The following PLD1 variants were observed in gnomAD, a reference collection of about 807,000 sequenced individuals.
PLD1 encodes the protein choline phosphatase 1.
A neutral mutation model predicts 137.1 loss-of-function variants in PLD1; 112 were observed. The observed-to-expected ratio is 0.82, with a 90% CI of 0.70 to 0.96. PLD1 has a LOEUF of 0.96. Among genes scored for constraint, PLD1 ranks in the 40% least tolerant of loss-of-function variants. The pLI, the probability that PLD1 is intolerant of heterozygous loss-of-function variation, is 0.00. For missense variants in PLD1, 1,321 were observed against 1,342.0 expected, an observed-to-expected ratio of 0.98 and a Z score of 0.24; for synonymous variants, 431 against 454.7, an observed-to-expected ratio of 0.95 and a Z score of 0.66.
chr3:171,684,912 G>A (rs574555102), intron 16 of PLD1, among the ~76,000 whole-genome samples: 1 of 152,228 alleles, frequency 6.6e-6, no homozygotes, highest in East Asian at 1.9e-4. Context: ...AATATATATC[G>A]ATGCTGTTAT....
chr3:171,732,698 T>C (rs1333496334), intron 6 of PLD1, among the ~76,000 whole-genome samples: 3 of 152,196 alleles, frequency 2.0e-5, no homozygotes, highest in African/African-American at 7.2e-5. Flanking sequence ...CCCATAACCA[T>C]ACAATTCATA....
chr3:171,698,078 G>T (rs1041967769), intron 12 of PLD1, among the ~76,000 whole-genome samples: 5 of 152,188 alleles, frequency 3.3e-5, no homozygotes, highest in African/African-American at 1.2e-4. Flanking sequence ...GAGGGAAAAT[G>T]GAAAAGATGC....
intron 1 of PLD1, among the ~76,000 whole-genome samples, chr3:171,782,961 C>G (rs763574241): frequency 1.3e-5 from 2 of 152,028 alleles, no homozygotes; most frequent in Non-Finnish European, 2.9e-5. Flanking sequence ...GGATGTCAAC[C>G]AGGAGGATGC....
At chr3:171,624,909 C>T (rs1330706750) in intron 23 of PLD1, among the ~76,000 whole-genome samples, 2 of 151,832 alleles carry the variant, frequency 1.3e-5, no homozygotes, top group Admixed American at 1.3e-4. Context: ...AAATTGGTTA[C>T]CAATAGGGGA....
chr3:171,622,091 C>G (rs1262476752), intron 23 of PLD1, among the ~76,000 whole-genome samples: 1 of 152,156 alleles, frequency 6.6e-6, no homozygotes, highest in Non-Finnish European at 1.5e-5. Context: ...ATCTACTCTC[C>G]TACAGCTGGA....
At chr3:171,808,413 G>C (rs1723960767) in intron 1 of PLD1, among the ~76,000 whole-genome samples, 1 of 152,182 alleles carries the variant, frequency 6.6e-6, no homozygotes, top group Non-Finnish European at 1.5e-5. Context: ...GCAGGCGCCT[G>C]TTTTCCCAGC....
intron 1 of PLD1, among the ~76,000 whole-genome samples, chr3:171,765,841 A>G (rs971142398): frequency 7.2e-5 from 11 of 152,374 alleles, no homozygotes; most frequent in African/African-American, 1.9e-4. Context: ...ACATCTGGAC[A>G]TATTGAAAAT....
intron 1 of PLD1, among the ~76,000 whole-genome samples, chr3:171,808,388 C>T (rs9859052): frequency 0.85 from 128,667 of 151,816 alleles, 54,711 homozygotes; most frequent in Middle Eastern, 0.95. Context: ...TACAAAAAAT[C>T]AACCGGGCGT....
chr3:171,701,982 T>A (rs79177043), intron 11 of PLD1, among the ~76,000 whole-genome samples: 5,095 of 151,882 alleles, frequency 0.034, 312 homozygotes, highest in African/African-American at 0.12. Context: ...AGACAAAAAA[T>A]TAAAAATTAA....
intron 25 of PLD1, among the ~76,000 whole-genome samples, chr3:171,607,962 G>GA (rs540566690): frequency 4.0e-4 from 61 of 152,104 alleles, no homozygotes; most frequent in African/African-American, 1.4e-3. Flanking sequence ...TTTTTTAAGT[G>GA]AAAAAAATGG....
intron 23 of PLD1, among the ~76,000 whole-genome samples, chr3:171,631,719 G>A (rs1361717045): frequency 6.6e-6 from 1 of 152,002 alleles, no homozygotes; most frequent in Non-Finnish European, 1.5e-5. Flanking sequence ...TGGGCAAGCT[G>A]AACTCCAAGA....
chr3:171,642,966 C>T, intron 22 of PLD1, 77 bp from the exon 23 acceptor site: 1 of 798,600 alleles, frequency 1.3e-6, no homozygotes, highest in South Asian at 1.5e-5. Flanking sequence ...TAGGTTTAAT[C>T]CTAACACAAG....
intron 10 of PLD1, among the ~76,000 whole-genome samples, chr3:171,709,187 C>A (rs9829394): frequency 6.6e-6 from 1 of 152,162 alleles, no homozygotes; most frequent in Non-Finnish European, 1.5e-5. Context: ...TTCCAATCCA[C>A]GGGTAGAAAA....
In PLD1 at chr3:171,709,582, G is replaced by T; in HGVS notation, c.1039C>A (p.Gln347Lys). The T allele has an allele frequency of 6.2e-7, 1 of 1,613,886 alleles. No homozygotes were observed. Among genetic ancestry groups the T allele is most frequent in the Non-Finnish European group, 8.5e-7 (1 of 1,179,862 alleles). ...TACCATTTAGCTAAAGCATTCTCTT[G>T]GATAGCAGCATATGACCCAAATCGA... ...DHRFGSYAAI[Q>K]ENALAKWYVN... The change falls in exon 10 of 27, where the codon CAA (glutamine) becomes AAA (lysine). Residue 347 changes from glutamine (Q) to lysine (K), a missense_variant. By Grantham distance (53) the Gln-to-Lys change is moderately conservative (BLOSUM62 1). Coordinates refer to ENST00000351298, the MANE Select transcript of PLD1 (RefSeq NM_002662.5).
At chr3:171,673,384 C>T (rs943141352) in intron 19 of PLD1, among the ~76,000 whole-genome samples, 6 of 151,704 alleles carry the variant, frequency 4.0e-5, no homozygotes, top group African/African-American at 7.3e-5. Context: ...TGGGTTTAAG[C>T]GATTCTCCTG....
In PLD1 at chr3:171,677,689, C is replaced by T. The variant is rs542007369; in HGVS notation, c.1873G>A (p.Gly625Arg). The T allele has an allele frequency of 1.2e-6, 2 of 1,613,750 alleles. No homozygotes were observed. Among genetic ancestry groups the T allele is most frequent in the Admixed American group, 1.7e-5 (1 of 59,952 alleles). Residue 625 changes from glycine to arginine, a missense_variant, in exon 17 of 27, where the codon GGG becomes AGG. Gly to Arg is a moderately radical substitution (Grantham distance 125). Coordinates refer to ENST00000351298, the MANE Select transcript of PLD1 (RefSeq NM_002662.5). ...QGLTRPHADT[G>R]SIRSLQTGVG... ...CCTGTCTGTAAACTACGGATGGACC[C>T]GGTATCTGTGAATGCAGCAAGACCC...
intron 1 of PLD1, among the ~76,000 whole-genome samples, chr3:171,803,382 A>G (rs1723724484): frequency 6.6e-6 from 1 of 152,232 alleles, no homozygotes; most frequent in Non-Finnish European, 1.5e-5. Flanking sequence ...AAGCTCGGAT[A>G]TACCCCCTGG....
At chr3:171,765,961 T>A (rs922655651) in intron 1 of PLD1, among the ~76,000 whole-genome samples, 11 of 152,220 alleles carry the variant, frequency 7.2e-5, no homozygotes, top group African/African-American at 2.7e-4. Flanking sequence ...TATAAAAACC[T>A]AACTGAAATT....
chr3:171,735,635 T>A lies in PLD1; in HGVS notation c.291A>T (p.Val97=), dbSNP rs1719301193. 6.7e-7 allele frequency: 1 copy of A among 1,488,108 alleles called. No homozygotes were observed. The allele number at this position is 1,488,108 out of a possible 1,614,324, so 92.2% of individuals were successfully genotyped here. The stretch of plus-strand genomic sequence containing the variant: ...CAATAGTGTAAAGATTAATACTTGG[T>A]ACCTACAGTGATACATAAAAATGTT... ...EVERFTSTTR[V]PSINLYTIEL... is the part of the protein sequence containing the mutation. The change falls in exon 4 of 27, where the codon GTA becomes GTT. Residue 97 remains valine (V), a splice_region_variant and synonymous_variant. Coordinates refer to ENST00000351298, the MANE Select transcript of PLD1 (RefSeq NM_002662.5).
Sources: allele counts gnomAD v4.1 joint callset (sites outside exome capture counted in the v4.1 genomes callset), GRCh38; gene constraint gnomAD v4.1.1; transcripts MANE v1.5; gene names NCBI Gene and HGNC (gene_info 2026-07-23, HGNC 2026-07-21).